Variants in WSCD2 observed in about 807,000 individuals in gnomAD.
The protein encoded by WSCD2 is sialate:O-sulfotransferase 2.
A neutral mutation model predicts 55.7 loss-of-function variants in WSCD2; 28 were observed. The ratio of observed to expected loss-of-function variants is 0.50; its 90% CI spans 0.37 to 0.69. WSCD2 has a LOEUF of 0.69. Among genes scored for constraint, WSCD2 ranks in the 30% least tolerant of loss-of-function variants. The probability of loss-of-function intolerance (pLI) is 0.00; values close to 1 mark genes in which losing one functional copy is unlikely to be tolerated. For synonymous variants in WSCD2, 301 were observed against 301.9 expected, an observed-to-expected ratio of 1.00 and a Z score of 0.03; for missense variants, 616 against 762.1, an observed-to-expected ratio of 0.81 and a Z score of 2.26.
At chr12:108,204,482 G>A (rs1209077537) in intron 2 of WSCD2, among the ~76,000 whole-genome samples, 1 of 152,194 alleles carries the variant, frequency 6.6e-6, no homozygotes, top group Non-Finnish European at 1.5e-5. Flanking sequence ...AAGTTAGTGT[G>A]CAGCCCTTGC....
intron 1 of WSCD2, among the ~76,000 whole-genome samples, chr12:108,194,445 G>C (rs993463237): frequency 1.3e-5 from 2 of 152,190 alleles, no homozygotes; most frequent in Non-Finnish European, 2.9e-5. Context: ...CTGGTTAAGA[G>C]CTGTGATTTG....
rs576952773 is a variant in WSCD2 at position 108,198,545 on chromosome 12, G to A, written c.382+2331G>A. On this transcript the variant is annotated intron_variant, in intron 2 of 8. Transcript: ENST00000547525. ...GTGTAGGTGATACAGAAACAACAAC[G>A]TCTCTCATTTGTTGTGAGATTGAAA... 3.3e-5 allele frequency among the ~76,000 whole-genome samples: 5 copies of A among 152,256 alleles called. No individual in the cohort carries two copies. In the South Asian group the frequency reaches 8.3e-4, roughly 25 times the overall value.
chr12:108,219,805 T>C lies in WSCD2; in HGVS notation c.683-4934T>C, dbSNP rs568990970. Reference sequence around the variant, plus strand: ...CCTCCGTTGGCCCCAACCCCCAAAATACTGTCTGTAGCAACCCTCCAAGCT... The same window carrying C: ...CCTCCGTTGGCCCCAACCCCCAAAACACTGTCTGTAGCAACCCTCCAAGCT... On this transcript the variant is annotated intron_variant, in intron 4 of 8. Coordinates refer to ENST00000547525, the MANE Select transcript of WSCD2 (RefSeq NM_014653.4). Among the ~76,000 whole-genome samples the C allele has an allele frequency of 2.0e-5, 3 of 152,290 alleles. No individual in the cohort carries two copies. In the South Asian group the frequency reaches 6.2e-4, roughly 32 times the overall value.
intron 1 of WSCD2, among the ~76,000 whole-genome samples, chr12:108,179,559 T>C (rs1349061541): frequency 5.3e-5 from 8 of 152,204 alleles, no homozygotes; most frequent in African/African-American, 1.9e-4. Context: ...TCTGGTGGGA[T>C]TGGCAATTGT....
intron 2 of WSCD2, among the ~76,000 whole-genome samples, chr12:108,198,789 C>T (rs1360828432): frequency 1.3e-5 from 2 of 152,138 alleles, no homozygotes; most frequent in Non-Finnish European, 2.9e-5. Context: ...ACAGGCTAGA[C>T]CATGTTACGT....
intron 6 of WSCD2, among the ~76,000 whole-genome samples, chr12:108,227,883 A>T (rs1345335690): frequency 6.6e-6 from 1 of 151,948 alleles, no homozygotes; most frequent in Non-Finnish European, 1.5e-5. Context: ...GAAAGTGATG[A>T]TGACGATGAT....
At chr12:108,237,239 C>T (rs1408542748) in intron 7 of WSCD2, among the ~76,000 whole-genome samples, 5 of 152,120 alleles carry the variant, frequency 3.3e-5, no homozygotes, top group Non-Finnish European at 5.9e-5. Flanking sequence ...GAAAAATGCA[C>T]GAGCAACTAT....
At chr12:108,221,741 C>T (rs1887546342) in intron 4 of WSCD2, among the ~76,000 whole-genome samples, 2 of 152,230 alleles carry the variant, frequency 1.3e-5, no homozygotes, top group South Asian at 4.1e-4. Context: ...GGCGTTCCCA[C>T]ACCTCTTTGA....
At chr12:108,236,179 T>C (rs942425641) in intron 7 of WSCD2, among the ~76,000 whole-genome samples, 5 of 152,214 alleles carry the variant, frequency 3.3e-5, no homozygotes, top group African/African-American at 1.2e-4. Context: ...TTTCTTCTGC[T>C]ACCAACTTGC....
intron 1 of WSCD2, among the ~76,000 whole-genome samples, chr12:108,172,341 G>T (rs1880331154): frequency 6.6e-6 from 1 of 152,184 alleles, no homozygotes; most frequent in African/African-American, 2.4e-5. Flanking sequence ...GAAGAAACAG[G>T]ATCAGAGAAG....
chr12:108,138,763 T>C (rs1265297924), intron 1 of WSCD2, among the ~76,000 whole-genome samples: 2 of 152,260 alleles, frequency 1.3e-5, no homozygotes, highest in Non-Finnish European at 2.9e-5. Flanking sequence ...CTGCCATGAA[T>C]GTTATTTAGT....
At chr12:108,224,641 G>A in intron 4 of WSCD2, 98 bp from the exon 5 acceptor site, 2 of 1,495,602 alleles carry the variant, frequency 1.3e-6, no homozygotes, top group Non-Finnish European at 1.8e-6. Flanking sequence ...CCTTGGGCAA[G>A]ACTCTTGCCT....
At chr12:108,179,130 T>A (rs1715391547) in intron 1 of WSCD2, among the ~76,000 whole-genome samples, 1 of 152,148 alleles carries the variant, frequency 6.6e-6, no homozygotes, top group Non-Finnish European at 1.5e-5. Context: ...ATGGCCTGTT[T>A]AATTGTCTGG....
chr12:108,217,053 A>T (rs1886921772), intron 4 of WSCD2, among the ~76,000 whole-genome samples: 1 of 152,252 alleles, frequency 6.6e-6, no homozygotes, highest in Non-Finnish European at 1.5e-5. Flanking sequence ...TATGTCTCAG[A>T]CACTGTTGTA....
At chr12:108,159,881 C>A (rs1878887289) in intron 1 of WSCD2, among the ~76,000 whole-genome samples, 1 of 152,160 alleles carries the variant, frequency 6.6e-6, no homozygotes, top group Non-Finnish European at 1.5e-5. Context: ...ACAACAGAAT[C>A]CAAGGATTCA....
At chr12:108,239,838 C>T (rs1037279579) in intron 7 of WSCD2, among the ~76,000 whole-genome samples, 67 of 152,210 alleles carry the variant, frequency 4.4e-4, no homozygotes, top group African/African-American at 1.5e-3. Flanking sequence ...TTCAGCCCCC[C>T]AAGTGGCTGG....
intron 1 of WSCD2, chr12:108,189,293 A>T (rs1882886825): frequency 6.6e-6 from 1 of 152,210 alleles, no homozygotes; most frequent in East Asian, 1.9e-4. Flanking sequence ...TTATTGAGTC[A>T]TCTGTTACAG....
chr12:108,179,099 G>A (rs1241662688), intron 1 of WSCD2, among the ~76,000 whole-genome samples: 1 of 152,090 alleles, frequency 6.6e-6, no homozygotes, highest in Non-Finnish European at 1.5e-5. Context: ...TTTTTTTCCG[G>A]CCTCCTCTAA....
At chr12:108,202,053 C>T (rs1383002947) in intron 2 of WSCD2, among the ~76,000 whole-genome samples, 2 of 152,130 alleles carry the variant, frequency 1.3e-5, no homozygotes, top group East Asian at 1.9e-4. Context: ...CTCCTGTCTC[C>T]GAGAGATTCT....
Sources: gnomAD v4.1 joint callset for allele counts (sites outside exome capture counted in the v4.1 genomes callset) on GRCh38, gnomAD v4.1.1 for gene constraint, MANE v1.5 for transcripts, NCBI Gene and HGNC (gene_info 2026-07-23, HGNC 2026-07-21) for gene names.